The following ZNF169 variants were observed in gnomAD, a reference collection of about 807,000 sequenced individuals.
The protein encoded by ZNF169 is zinc finger protein 169.
In ZNF169, 11 loss-of-function variants were observed where a neutral mutation model predicts 12.0. The observed-to-expected ratio is 0.92, with a 90% CI of 0.58 to 1.52. ZNF169 has a LOEUF of 1.52. ZNF169 is among the 40% of genes most tolerant of loss of function. The pLI is 0.00. For synonymous variants in ZNF169, 302 were observed against 286.5 expected (o/e 1.05, Z -0.55); for missense variants, 722 against 744.0 (o/e 0.97, Z 0.34).
chr9:94,279,535 G>T (rs1400370758), intron 2 of ZNF169, among the ~76,000 whole-genome samples: 1 of 152,002 alleles, frequency 6.6e-6, no homozygotes, highest in Non-Finnish European at 1.5e-5. Context: ...AGATACTGGG[G>T]AGGCTGAGGC....
intron 4 of ZNF169, among the ~76,000 whole-genome samples, chr9:94,296,298 A>G (rs924895306): frequency 2.3e-4 from 35 of 152,196 alleles, no homozygotes; most frequent in Non-Finnish European, 4.6e-4. Context: ...TATGATTTAC[A>G]AACATTTTTT....
chr9:94,299,924 C>T lies in ZNF169; in HGVS notation c.366C>T (p.Ser122=), dbSNP rs1210808571. 2 of 1,614,046 alleles carry T rather than the reference C, an allele frequency of 1.2e-6. No individual in the cohort carries two copies. The highest frequency in any genetic ancestry group is 1.7e-6 in the Non-Finnish European group (2 of 1,180,052). Reference sequence around the variant, plus strand: ...GCCATCCCACACAGATCTTCCCAAGCTCATCTGCAGGAGGTGACTTCCAAC... The same window carrying T: ...GCCATCCCACACAGATCTTCCCAAGTTCATCTGCAGGAGGTGACTTCCAAC... ...LSGHPTQIFP[S]SSAGGDFQLE... is the part of the protein sequence containing the mutation. The change falls in exon 5 of 5, where the codon AGC becomes AGT. Residue 122 remains serine (S), a synonymous_variant. Transcript: ENST00000395395.
At chr9:94,276,171 T>C (rs567625765) in intron 1 of ZNF169, among the ~76,000 whole-genome samples, 1 of 152,312 alleles carries the variant, frequency 6.6e-6, no homozygotes, top group South Asian at 2.1e-4. Context: ...TTATACTGAT[T>C]TTTTAAATGT....
chr9:94,261,552 C>A (rs1333793536), intron 1 of ZNF169, among the ~76,000 whole-genome samples: 3 of 152,244 alleles, frequency 2.0e-5, no homozygotes, highest in African/African-American at 7.2e-5. Context: ...AATGACTCAC[C>A]TGTCTTCTTT....
intron 4 of ZNF169, among the ~76,000 whole-genome samples, chr9:94,296,119 A>G (rs1488553459): frequency 6.6e-6 from 1 of 152,160 alleles, no homozygotes; most frequent in African/African-American, 2.4e-5. Context: ...ACATTTTCTT[A>G]ATGACTGATG....
intron 2 of ZNF169, chr9:94,288,153 A>G (rs1387276514): frequency 1.2e-6 from 1 of 803,696 alleles, no homozygotes; most frequent in African/African-American, 1.7e-5. Flanking sequence ...GGGCCCAGCA[A>G]TGTCAAAATC....
At chr9:94,271,567 A>G (rs1450690534) in intron 1 of ZNF169, among the ~76,000 whole-genome samples, 1 of 151,938 alleles carries the variant, frequency 6.6e-6, no homozygotes, top group Non-Finnish European at 1.5e-5. Flanking sequence ...TAAAAATACA[A>G]AAATTAGCTG....
intron 1 of ZNF169, among the ~76,000 whole-genome samples, chr9:94,271,822 T>C (rs1054426568): frequency 2.0e-5 from 3 of 152,074 alleles, no homozygotes; most frequent in Admixed American, 1.3e-4. Context: ...TTTGACTTTC[T>C]ATTATTTTTA....
At position 94,301,342 on chromosome 9, in the gene ZNF169, A is replaced by G. The variant is rs1831074544; in HGVS notation, c.1784A>G (p.His595Arg). Reference sequence around the variant, plus strand: ...AGACACAGGAGGACCAAGTCTGGTCATCAGCTCCTACCCCAAGAGGTCTTC... The same window carrying G: ...AGACACAGGAGGACCAAGTCTGGTCGTCAGCTCCTACCCCAAGAGGTCTTC... ...LHRHRRTKSG[H>R]QLLPQEVF Residue 595 changes from histidine to arginine, a missense_variant, in exon 5 of 5, where the codon CAT becomes CGT. Physicochemically the swap from His to Arg is conservative, Grantham distance 29 (BLOSUM62 0). Transcript: ENST00000395395. 16 of 1,613,420 alleles carry G rather than the reference A, an allele frequency of 9.9e-6. No individual in the cohort carries two copies. The East Asian group carries it at 3.6e-4, about 36-fold the overall frequency.
intron 1 of ZNF169, among the ~76,000 whole-genome samples, chr9:94,270,229 C>T (rs1396762324): frequency 6.6e-6 from 1 of 152,160 alleles, no homozygotes; most frequent in Non-Finnish European, 1.5e-5. Flanking sequence ...ACAATCCTAC[C>T]AGGGTTGTAC....
intron 1 of ZNF169, among the ~76,000 whole-genome samples, chr9:94,273,098 T>G (rs766585280): frequency 4.6e-5 from 7 of 152,188 alleles, no homozygotes; most frequent in Non-Finnish European, 7.4e-5. Context: ...GTAGAAGTTC[T>G]TTATATATTC....
At chr9:94,278,643 C>T in intron 1 of ZNF169, 115 bp from the exon 2 acceptor site, 1 of 576,394 alleles carries the variant, frequency 1.7e-6, no homozygotes, top group Non-Finnish European at 3.0e-6. Flanking sequence ...ATGCCCTCTG[C>T]AACCTGTCTT....
chr9:94,301,243 G>C lies in ZNF169; in HGVS notation c.1685G>C (p.Arg562Pro), dbSNP rs754988511. Residue 562 changes from arginine (R) to proline (P), a missense_variant, in exon 5 of 5, where the codon CGG becomes CCG. Physicochemically the swap from Arg to Pro is moderately radical, Grantham distance 103 (BLOSUM62 -2). Coordinates refer to ENST00000395395, the MANE Select transcript of ZNF169 (RefSeq NM_194320.4). ...AAGTCTGCCCTCATCCGACATCAGC[G>C]GACCCATTCTGGGGAGAAGCCGTAT... ...GFKSALIRHQ[R>P]THSGEKPYVC... is the part of the protein sequence containing the mutation. 1.9e-6 allele frequency: 3 copies of C among 1,614,132 alleles called. No homozygotes were observed. Among genetic ancestry groups the C allele is most frequent in the Admixed American group, 1.7e-5 (1 of 60,014 alleles).
chr9:94,262,552 A>G (rs1830223301), intron 1 of ZNF169, among the ~76,000 whole-genome samples: 1 of 152,050 alleles, frequency 6.6e-6, no homozygotes, highest in South Asian at 2.1e-4. Context: ...TCTGCCTCCC[A>G]AGTTCAAGCG....
At chr9:94,263,519 G>A (rs1393875309) in intron 1 of ZNF169, among the ~76,000 whole-genome samples, 1 of 92,150 alleles carries the variant, frequency 1.1e-5, no homozygotes, top group Admixed American at 1.1e-4. Context: ...GTTAGGTCTT[G>A]CTTTTTTTTT....
At position 94,279,593 on chromosome 9, in the gene ZNF169, T is replaced by C. The variant is rs532224490; in HGVS notation, c.33+748T>C. ...AGGCGGAGGTTGCAGTGAGCCGAGA[T>C]TGCGCCATTGCACTCCAGCCTGGGT... On this transcript the variant is annotated intron_variant, in intron 2 of 4. Coordinates refer to ENST00000395395, the MANE Select transcript of ZNF169 (RefSeq NM_194320.4). Among the ~76,000 whole-genome samples, 9 of 141,944 alleles carry C rather than the reference T, an allele frequency of 6.3e-5. No homozygotes were observed. The East Asian group carries it at 1.2e-3, about 19-fold the overall frequency. The allele number at this position is 141,944 out of a possible 152,430, so 93.1% of individuals were successfully genotyped here. A position where few individuals can be genotyped will look rare whatever the true frequency, so the allele number is the denominator to read the frequency against.
rs976861708 is a variant in ZNF169, at chr9:94,298,779, G to A, written c.257-1036G>A. Among the ~76,000 whole-genome samples, 11 of 151,004 alleles carry A rather than the reference G, an allele frequency of 7.3e-5. No homozygotes were observed. The South Asian group carries it at 8.4e-4, about 12-fold the overall frequency. ...TAGTCAATAATTACCTAGGAGTTAC[G>A]GTATCAACTTACGGAAGCTGAAAGC... On this transcript the variant is annotated intron_variant, in intron 4 of 4. Transcript: ENST00000395395.
At chr9:94,271,718 CAAAAAAAAAA>C (rs58733917) in intron 1 of ZNF169, among the ~76,000 whole-genome samples, 1 of 64,824 alleles carries the variant, frequency 1.5e-5, no homozygotes, top group Non-Finnish European at 3.2e-5. Context: ...GACTCTGTCT[CAAAAAAAAAA>C]AAAAAAAAAA....
chr9:94,295,221 G>C (rs573190339), intron 4 of ZNF169: 1 of 152,100 alleles, frequency 6.6e-6, no homozygotes, highest in South Asian at 2.1e-4. Flanking sequence ...CCAGCTACTC[G>C]GATGGCTGAG....
Sources: allele counts gnomAD v4.1 joint callset (sites outside exome capture counted in the v4.1 genomes callset), GRCh38; gene constraint gnomAD v4.1.1; transcripts MANE v1.5; gene names NCBI Gene and HGNC (gene_info 2026-07-23, HGNC 2026-07-21).